ME1: variants seen among roughly 807,000 people sequenced by gnomAD.
ME1 encodes the protein NADP-dependent malic enzyme.
Under a neutral mutation model 66.4 loss-of-function variants are expected in ME1, and 74 were observed. That is an observed-to-expected ratio of 1.11 (90% CI 0.92 to 1.35). The LOEUF (loss-of-function observed/expected upper bound fraction) is 1.35, where lower values mean the gene tolerates loss of function less well. ME1 is among the 40% of genes most tolerant of loss of function. The probability of loss-of-function intolerance (pLI) is 0.00; values close to 1 mark genes in which losing one functional copy is unlikely to be tolerated. For missense variants in ME1, 750 were observed against 694.1 expected (o/e 1.08, Z -0.90); for synonymous variants, 251 against 235.6 (o/e 1.07, Z -0.60).
chr6:83,232,408 T>C (rs1203561041), intron 9 of ME1, among the ~76,000 whole-genome samples: 1 of 152,168 alleles, frequency 6.6e-6, no homozygotes, highest in African/African-American at 2.4e-5. Flanking sequence ...GACAAAAGTA[T>C]AGTAAGGGGC....
At chr6:83,241,078 T>A (rs1419454393) in intron 7 of ME1, among the ~76,000 whole-genome samples, 1 of 152,166 alleles carries the variant, frequency 6.6e-6, no homozygotes, top group Non-Finnish European at 1.5e-5. Flanking sequence ...AGAGAATATA[T>A]CATGACATGA....
chr6:83,233,610 T>C (rs1194441126), intron 9 of ME1, among the ~76,000 whole-genome samples: 2 of 152,086 alleles, frequency 1.3e-5, no homozygotes, highest in African/African-American at 4.8e-5. Flanking sequence ...TCACAGTTCA[T>C]GTTTGAGTTT....
At chr6:83,243,327 A>C (rs1790541845) in intron 7 of ME1, among the ~76,000 whole-genome samples, 1 of 140,108 alleles carries the variant, frequency 7.1e-6, no homozygotes, top group South Asian at 2.1e-4. Flanking sequence ...TAATTATATA[A>C]AATATAATTA....
intron 3 of ME1, among the ~76,000 whole-genome samples, chr6:83,367,380 T>C (rs976483804): frequency 2.0e-5 from 3 of 152,182 alleles, no homozygotes; most frequent in African/African-American, 7.2e-5. Flanking sequence ...AAAGAATCAG[T>C]CTGTCCTTTG....
At chr6:83,421,946 G>A (rs897432218) in intron 1 of ME1, among the ~76,000 whole-genome samples, 9 of 151,994 alleles carry the variant, frequency 5.9e-5, no homozygotes, top group African/African-American at 1.2e-4. Flanking sequence ...TCTTCCAATC[G>A]TATGGCATCA....
chr6:83,277,017 T>C lies in ME1; in HGVS notation c.705-23279A>G, dbSNP rs971130465. Among the ~76,000 whole-genome samples the C allele has an allele frequency of 2.0e-5, 3 of 152,244 alleles. No homozygotes were observed. In the East Asian group the frequency reaches 5.8e-4, roughly 29 times the overall value. ...GATTTTAAAACTGAATTTTAGCATA[T>C]TGTCTTAAGACAGACAGCCATCTGT... On this transcript the variant is annotated intron_variant, in intron 6 of 13. Transcript: ENST00000369705.
At chr6:83,417,353 TG>T (rs754957831) in intron 1 of ME1, among the ~76,000 whole-genome samples, 40 of 145,958 alleles carry the variant, frequency 2.7e-4, no homozygotes, top group Admixed American at 4.3e-4. Context: ...CTAACTAACA[TG>T]TTTTTTTTGT....
intron 6 of ME1, among the ~76,000 whole-genome samples, chr6:83,295,034 G>A (rs949004773): frequency 3.9e-5 from 6 of 152,216 alleles, no homozygotes; most frequent in Admixed American, 3.3e-4. Flanking sequence ...AGCATTAAGA[G>A]GGAGCATGGC....
chr6:83,379,206 T>G (rs1769348312), intron 3 of ME1, among the ~76,000 whole-genome samples: 1 of 152,080 alleles, frequency 6.6e-6, no homozygotes, highest in South Asian at 2.1e-4. Flanking sequence ...GCAAGATAAG[T>G]CACAAGCTAA....
At chr6:83,341,403 C>T (rs956610990) in intron 5 of ME1, among the ~76,000 whole-genome samples, 2 of 151,982 alleles carry the variant, frequency 1.3e-5, no homozygotes, top group African/African-American at 4.8e-5. Context: ...AATTATCAAG[C>T]CTGAAGTTGG....
intron 9 of ME1, among the ~76,000 whole-genome samples, chr6:83,235,582 T>G (rs1412558773): frequency 6.6e-6 from 1 of 151,554 alleles, no homozygotes. Flanking sequence ...ACCATTCTCC[T>G]GCCTCAGCCT....
At chr6:83,217,860 A>G (rs1790023291) in intron 12 of ME1, among the ~76,000 whole-genome samples, 1 of 152,188 alleles carries the variant, frequency 6.6e-6, no homozygotes, top group Non-Finnish European at 1.5e-5. Flanking sequence ...ATCAATGTCA[A>G]AAAAGGAGTT....
At chr6:83,391,407 C>A (rs554130167) in intron 3 of ME1, among the ~76,000 whole-genome samples, 27 of 152,214 alleles carry the variant, frequency 1.8e-4, no homozygotes, top group African/African-American at 6.5e-4. Context: ...TTAAAACTTA[C>A]CCCTAACTCC....
intron 1 of ME1, among the ~76,000 whole-genome samples, chr6:83,428,475 T>A (rs1770415360): frequency 2.0e-5 from 3 of 152,164 alleles, no homozygotes; most frequent in Non-Finnish European, 4.4e-5. Flanking sequence ...ATGATGAAGT[T>A]CTGTGTTAGT....
chr6:83,267,490 GCT>G (rs1470366081), intron 6 of ME1, among the ~76,000 whole-genome samples: 1 of 152,118 alleles, frequency 6.6e-6, no homozygotes, highest in East Asian at 1.9e-4. Context: ...TGATAATTTT[GCT>G]CTCAGTGCAG....
chr6:83,350,618 G>A (rs1768781232), intron 4 of ME1, among the ~76,000 whole-genome samples: 1 of 151,968 alleles, frequency 6.6e-6, no homozygotes, highest in East Asian at 1.9e-4. Context: ...CCAAGTAGCT[G>A]GGACTACAGG....
intron 4 of ME1, among the ~76,000 whole-genome samples, chr6:83,350,754 T>C (rs773414655): frequency 2.1e-4 from 32 of 152,056 alleles, no homozygotes; most frequent in Non-Finnish European, 3.8e-4. Flanking sequence ...TCCCAAAGTG[T>C]TGGGATCACA....
intron 5 of ME1, among the ~76,000 whole-genome samples, chr6:83,340,937 C>T (rs1768568022): frequency 6.6e-6 from 1 of 151,884 alleles, no homozygotes; most frequent in Non-Finnish European, 1.5e-5. Flanking sequence ...TGGATGGACT[C>T]TGGTGACAGT....
At chr6:83,239,695 G>T in intron 7 of ME1, 59 bp from the exon 8 acceptor site, 1 of 1,204,326 alleles carries the variant, frequency 8.3e-7, no homozygotes. Context: ...CAATTTTCAA[G>T]CTTTTATTCA....
Sources: gnomAD v4.1 joint callset for allele counts (sites outside exome capture counted in the v4.1 genomes callset) on GRCh38, gnomAD v4.1.1 for gene constraint, MANE v1.5 for transcripts, NCBI Gene and HGNC (gene_info 2026-07-23, HGNC 2026-07-21) for gene names.